The following CARM1 variants were observed in gnomAD, a reference collection of about 807,000 sequenced individuals.
CARM1 encodes the protein histone-arginine methyltransferase CARM1.
In CARM1, 14 loss-of-function variants were observed where a neutral mutation model predicts 72.7. The observed-to-expected ratio is 0.19, with a 90% CI of 0.13 to 0.30. CARM1 has a LOEUF of 0.30. CARM1 is among the 10% of genes least tolerant of loss of function. CARM1 has a pLI of 1.00. For missense variants in CARM1, 432 were observed against 833.7 expected, an observed-to-expected ratio of 0.52 and a Z score of 5.93; for synonymous variants, 333 against 345.5, an observed-to-expected ratio of 0.96 and a Z score of 0.40.
chr19:10,890,795 A>ATATATTTTT (rs1217665879), intron 1 of CARM1, among the ~76,000 whole-genome samples: 2 of 47,458 alleles, frequency 4.2e-5, no homozygotes, highest in African/African-American at 2.2e-4. Context: ...ATATATATAT[A>ATATATTTTT]TTTTTTTTTT....
intron 2 of CARM1, among the ~76,000 whole-genome samples, chr19:10,906,613 C>T (rs1478897350): frequency 6.6e-6 from 1 of 152,108 alleles, no homozygotes; most frequent in East Asian, 1.9e-4. Flanking sequence ...CAGGCACGTG[C>T]CACTGTACCC....
chr19:10,908,820 C>G (rs535870120), intron 3 of CARM1: 25 of 326,878 alleles, frequency 7.6e-5, no homozygotes, highest in Non-Finnish European at 1.3e-4. Flanking sequence ...TGCCAGAACC[C>G]TGCCTGTGGC....
chr19:10,890,260 G>GT (rs377132328), intron 1 of CARM1, among the ~76,000 whole-genome samples: 18 of 110,590 alleles, frequency 1.6e-4, no homozygotes, highest in South Asian at 6.1e-4. Flanking sequence ...TTTGTTTTTT[G>GT]TTTTGTTTGT....
At chr19:10,882,140 C>G (rs1384753600) in intron 1 of CARM1, among the ~76,000 whole-genome samples, 1 of 152,150 alleles carries the variant, frequency 6.6e-6, no homozygotes, top group African/African-American at 2.4e-5. Flanking sequence ...ATCTTGACAT[C>G]GTCTACCCTA....
chr19:10,901,777 A>AC (rs2074068072), intron 1 of CARM1, among the ~76,000 whole-genome samples: 1 of 152,122 alleles, frequency 6.6e-6, no homozygotes, highest in African/African-American at 2.4e-5. Context: ...CCCCGTCTCT[A>AC]CCAAAAATAC....
At chr19:10,886,522 T>C (rs1166018851) in intron 1 of CARM1, among the ~76,000 whole-genome samples, 1 of 151,374 alleles carries the variant, frequency 6.6e-6, no homozygotes, top group Non-Finnish European at 1.5e-5. Flanking sequence ...TCTTTTATCT[T>C]TTTTTTTCTT....
chr19:10,882,333 GC>G (rs1057198413), intron 1 of CARM1, among the ~76,000 whole-genome samples: 11 of 152,258 alleles, frequency 7.2e-5, no homozygotes, highest in Admixed American at 5.9e-4. Context: ...CCATGCTGTG[GC>G]CCGCTGTGCT....
chr19:10,882,083 T>A (rs931308855), intron 1 of CARM1, among the ~76,000 whole-genome samples: 4 of 152,180 alleles, frequency 2.6e-5, no homozygotes, highest in African/African-American at 9.7e-5. Context: ...CTCCTTAGCA[T>A]CCCGGTGACC....
rs867079738 is a variant in CARM1, at chr19:10,922,997, G to C, written c.*1240G>C. The C allele has an allele frequency of 3.5e-6, 1 of 283,538 alleles. No homozygotes were observed. Among genetic ancestry groups the C allele is most frequent in the Middle Eastern group, 1.1e-3 (1 of 918 alleles). The allele number at this position is 283,538 out of a possible 1,614,324, so 17.6% of individuals were successfully genotyped here. A position where few individuals can be genotyped will look rare whatever the true frequency, so the allele number is the denominator to read the frequency against. On this transcript the variant is annotated 3_prime_UTR_variant, in exon 16 of 16. Coordinates refer to ENST00000327064, the MANE Select transcript of CARM1 (RefSeq NM_199141.2). ...GCCCTGTCCCAAAGCTCCCTGCTCG[G>C]CTGCCCCTCGCCCGCCTTTATATAA...
chr19:10,913,768 G>A (rs1890213354), intron 5 of CARM1, 109 bp from the exon 6 acceptor site: 2 of 1,159,802 alleles, frequency 1.7e-6, no homozygotes, highest in Non-Finnish European at 2.4e-6. Flanking sequence ...CAGGCAGAGG[G>A]GCACCCAATG....
rs1482504954 is a variant in CARM1 at position 10,915,366 on chromosome 19, C to A, written c.848-1041C>A. The stretch of plus-strand genomic sequence containing the variant: ...AGGCTCTGTGGGCAGCTGCATGTGC[C>A]CCCGACGTCCCAGCAGCCAGCTTGC... On this transcript the variant is annotated intron_variant, in intron 6 of 15. Coordinates refer to ENST00000327064, the MANE Select transcript of CARM1 (RefSeq NM_199141.2). The surrounding 1 kb of genome is among the most constrained non-coding windows in gnomAD (Gnocchi z 4.6). Among the ~76,000 whole-genome samples the A allele has an allele frequency of 6.6e-6, 1 of 152,124 alleles. No homozygotes were observed. Among genetic ancestry groups the A allele is most frequent in the African/African-American group, 2.4e-5 (1 of 41,420 alleles).
At chr19:10,873,957 T>C (rs550333500) in intron 1 of CARM1, among the ~76,000 whole-genome samples, 201 of 152,252 alleles carry the variant, frequency 1.3e-3, no homozygotes, top group Non-Finnish European at 6.6e-4. Flanking sequence ...TTTAGTCTTA[T>C]AGATGTATTG....
At position 10,916,919 on chromosome 19, in the gene CARM1, G is replaced by A. The variant is rs1599709879; in HGVS notation, c.1020+142G>A. On this transcript the variant is annotated intron_variant, in intron 8 of 15. Coordinates refer to ENST00000327064, the MANE Select transcript of CARM1 (RefSeq NM_199141.2). This position sits in a 1 kb window ranked among gnomAD's most constrained non-coding sequence, Gnocchi z 4.4. ...TCTCACAGAGATTTGGGCCAAAAGT[G>A]TCAATGCATGTAGACACTTAGCACA... 1 of 613,100 alleles carries A rather than the reference G, an allele frequency of 1.6e-6. No homozygotes were observed. The highest frequency in any genetic ancestry group is 2.9e-6 in the Non-Finnish European group (1 of 343,882). The allele number at this position is 613,100 out of a possible 1,614,324, so 38.0% of individuals were successfully genotyped here.
Position 10,913,764 on chromosome 19 carries a change from G to C in CARM1, c.670-113G>C. The C allele has an allele frequency of 3.6e-6, 4 of 1,110,246 alleles. No individual in the cohort carries two copies. The South Asian group carries it at 6.6e-5, about 18-fold the overall frequency. The allele number at this position is 1,110,246 out of a possible 1,614,324, so 68.8% of individuals were successfully genotyped here. ...GGTTGGGGCGCCAGCGAAGCAGGCA[G>C]AGGGGCACCCAATGCCCATGTGTGG... On this transcript the variant is annotated intron_variant, in intron 5 of 15. Transcript: ENST00000327064.
Position 10,919,685 on chromosome 19 carries a change from T to C in CARM1, c.1106+5T>C, listed in dbSNP as rs372380400. ...CAAAGAAGGAGATTTGCACAGGTAC[T>C]GGCACCCACACTCCATCCTCCCAGG... is the stretch of plus-strand genomic sequence containing the variant. On this transcript the variant is annotated splice_donor_5th_base_variant and intron_variant, in intron 9 of 15. Transcript: ENST00000327064. The C allele has an allele frequency of 1.4e-5, 22 of 1,607,844 alleles. No individual in the cohort carries two copies. Among genetic ancestry groups the C allele is most frequent in the African/African-American group, 2.7e-5 (2 of 74,848 alleles).
intron 8 of CARM1, 179 bp from the exon 9 acceptor site, chr19:10,919,416 C>G (rs1281033401): frequency 3.2e-5 from 19 of 587,172 alleles, no homozygotes; most frequent in Non-Finnish European, 4.5e-5. Flanking sequence ...AGAGCTGTCA[C>G]CTGATTGCCC....
At chr19:10,879,891 C>A (rs115009712) in intron 1 of CARM1, among the ~76,000 whole-genome samples, 2 of 152,208 alleles carry the variant, frequency 1.3e-5, no homozygotes, top group Admixed American at 1.3e-4. Flanking sequence ...CTAGGATTAC[C>A]GGCATGAGTC....
At chr19:10,898,478 C>T (rs1282661769) in intron 1 of CARM1, among the ~76,000 whole-genome samples, 1 of 152,236 alleles carries the variant, frequency 6.6e-6, no homozygotes, top group Non-Finnish European at 1.5e-5. Context: ...GCTGATGCCG[C>T]AACAGTGGTG....
At chr19:10,899,642 G>A (rs1450959586) in intron 1 of CARM1, among the ~76,000 whole-genome samples, 4 of 152,124 alleles carry the variant, frequency 2.6e-5, no homozygotes, top group Admixed American at 6.5e-5. Context: ...GGGTGTGGCC[G>A]GGGAGCTGCC....
Sources: gnomAD v4.1 joint callset for allele counts (sites outside exome capture counted in the v4.1 genomes callset) on GRCh38, gnomAD v4.1.1 for gene constraint, Gnocchi (gnomAD v3.1) non-coding constraint, MANE v1.5 for transcripts, NCBI Gene and HGNC (gene_info 2026-07-23, HGNC 2026-07-21) for gene names.